FOCAD: variants seen among roughly 807,000 people sequenced by gnomAD.
FOCAD encodes focadhesin, also known as KIAA1797.
Under a neutral mutation model 225.6 loss-of-function variants are expected in FOCAD, and 198 were observed. That is an observed-to-expected ratio of 0.88 (90% CI 0.78 to 0.99). FOCAD has a LOEUF of 0.99. Among genes scored for constraint, FOCAD ranks in the 50% least tolerant of loss-of-function variants. FOCAD has a pLI of 0.00. For missense variants in FOCAD, 2,713 were observed against 2,123.6 expected (o/e 1.28, Z -5.46); for synonymous variants, 897 against 755.0 (o/e 1.19, Z -3.08).
At chr9:20,876,063 A>G (rs1830196935) in intron 19 of FOCAD, among the ~76,000 whole-genome samples, 1 of 152,178 alleles carries the variant, frequency 6.6e-6, no homozygotes, top group Non-Finnish European at 1.5e-5. Context: ...AGCCAAATAT[A>G]TACTATTTAT....
rs1825458084 is a variant in FOCAD, at chr9:20,717,806, C to G, written c.70C>G (p.Leu24Val). 4.3e-6 allele frequency: 7 copies of G among 1,611,818 alleles called. No individual in the cohort carries two copies. The African/African-American group carries it at 5.3e-5, about 12-fold the overall frequency. The change falls in exon 3 of 44, where the codon CTT becomes GTT. Residue 24 changes from leucine (L) to valine (V), a missense_variant. By Grantham distance (32) the Leu-to-Val change is conservative (BLOSUM62 1). Transcript: ENST00000338382. ...SLIQSQAVGH[L>V]IAAVLKENGF... ...ATTTCTTTTTAAGGCTGTGGGTCAT[C>G]TTATTGCTGCAGTCCTAAAGGAAAA...
At chr9:20,765,634 C>G (rs1166072897) in intron 7 of FOCAD, among the ~76,000 whole-genome samples, 2 of 152,032 alleles carry the variant, frequency 1.3e-5, no homozygotes. Flanking sequence ...TCTTACAATT[C>G]AAAGTAGAAA....
intron 8 of FOCAD, among the ~76,000 whole-genome samples, chr9:20,776,240 A>G (rs969012668): frequency 6.6e-6 from 1 of 152,208 alleles, no homozygotes; most frequent in African/African-American, 2.4e-5. Context: ...GCTTTGGCCT[A>G]TGGGGCTTTA....
chr9:20,697,953 A>G (rs1163841408), intron 1 of FOCAD, among the ~76,000 whole-genome samples: 3 of 152,238 alleles, frequency 2.0e-5, no homozygotes, highest in Admixed American at 6.5e-5. Context: ...TATAGCTTCT[A>G]ATAACTCAAA....
At chr9:20,766,143 C>T (rs1210879703) in intron 7 of FOCAD, among the ~76,000 whole-genome samples, 1 of 152,058 alleles carries the variant, frequency 6.6e-6, no homozygotes, top group Non-Finnish European at 1.5e-5. Context: ...TGCTCCTTGG[C>T]AAAGGTTTGT....
chr9:20,942,901 C>T (rs1448307854), intron 28 of FOCAD, among the ~76,000 whole-genome samples: 1 of 152,104 alleles, frequency 6.6e-6, no homozygotes, highest in Non-Finnish European at 1.5e-5. Flanking sequence ...CTCTGCTGGG[C>T]GAGAGATGAT....
chr9:20,658,861 C>G (rs370922184), intron 2 of FOCAD: 7 of 152,492 alleles, frequency 4.6e-5, no homozygotes, highest in African/African-American at 1.7e-4. Context: ...TGTTTTCCCC[C>G]AAATTCCTAT....
rs748966079 is a variant in FOCAD, at chr9:20,923,717, C to T, written c.2910C>T (p.Val970=). 8.8e-5 allele frequency: 142 copies of T among 1,613,898 alleles called. No homozygotes were observed. The highest frequency in any genetic ancestry group is 2.3e-4 in the Admixed American group (14 of 59,994). The change falls in exon 25 of 44, where the codon GTC becomes GTT. Residue 970 remains valine (V), a synonymous_variant. Transcript: ENST00000338382. The part of the protein sequence containing the change: ...ALLALSSLAV[V]VSRHEASLSS... Reference sequence around the variant, plus strand: ...TAGCTCTAAGCAGCCTTGCTGTCGTCGTATCTAGACATGAAGCCAGCCTCT... The same window carrying T: ...TAGCTCTAAGCAGCCTTGCTGTCGTTGTATCTAGACATGAAGCCAGCCTCT...
chr9:20,882,911 A>G lies in FOCAD; in HGVS notation c.2503+855A>G, dbSNP rs570773301. ...GAGTCAAAGACTCATTAGACTGCCA[A>G]TTAGTGGGGGGTGTTGTGGGGAGAT... On this transcript the variant is annotated intron_variant, in intron 20 of 43. Transcript: ENST00000338382. Among the ~76,000 whole-genome samples, 13 of 152,270 alleles carry G rather than the reference A, an allele frequency of 8.5e-5. No individual in the cohort carries two copies. In the East Asian group the frequency reaches 1.2e-3, roughly 14 times the overall value.
intron 11 of FOCAD, among the ~76,000 whole-genome samples, chr9:20,796,691 G>T (rs1387113851): frequency 1.3e-5 from 2 of 152,166 alleles, no homozygotes; most frequent in Non-Finnish European, 2.9e-5. Context: ...ATTTATTTGA[G>T]TTCTTTGTAG....
chr9:20,825,177 G>A (rs1824752845), intron 15 of FOCAD, among the ~76,000 whole-genome samples: 1 of 150,990 alleles, frequency 6.6e-6, no homozygotes, highest in Admixed American at 6.6e-5. Context: ...GTGTGTGTGT[G>A]TGTGTGTTCA....
At chr9:20,927,976 G>A (rs1272290083) in intron 26 of FOCAD, 1 of 151,294 alleles carries the variant, frequency 6.6e-6, no homozygotes, top group Non-Finnish European at 1.5e-5. Flanking sequence ...CTTACCAGAT[G>A]ATGTAGAATT....
chr9:20,933,941 C>A (rs1023526936), intron 28 of FOCAD, among the ~76,000 whole-genome samples: 2 of 152,176 alleles, frequency 1.3e-5, no homozygotes, highest in South Asian at 4.1e-4. Flanking sequence ...TTTTGATTTG[C>A]ATTTCTCTGA....
chr9:20,815,123 G>GTGTGTTTT, intron 11 of FOCAD, among the ~76,000 whole-genome samples: 1 of 85,396 alleles, frequency 1.2e-5, no homozygotes, highest in Admixed American at 1.4e-4. Flanking sequence ...ACTTCTCTTT[G>GTGTGTTTT]TTTTTTTTTT....
intron 3 of FOCAD, 51 bp from the exon 4 acceptor site, chr9:20,720,329 G>A: frequency 6.3e-7 from 1 of 1,578,306 alleles, no homozygotes; most frequent in Non-Finnish European, 8.7e-7. Context: ...GTGTGTGTGT[G>A]TGTGTTTGCT....
At chr9:20,981,258 T>C (rs913019867) in intron 37 of FOCAD, among the ~76,000 whole-genome samples, 168 bp from the exon 38 acceptor site, 2 of 152,150 alleles carry the variant, frequency 1.3e-5, no homozygotes, top group Non-Finnish European at 2.9e-5. Context: ...ATTACATGCA[T>C]TGGTGGCCCA....
chr9:20,774,222 T>C (rs559035852), intron 8 of FOCAD, among the ~76,000 whole-genome samples: 1 of 152,284 alleles, frequency 6.6e-6, no homozygotes, highest in African/African-American at 2.4e-5. Flanking sequence ...CTGCTTTATG[T>C]GTTTCTCTGT....
chr9:20,751,350 C>G (rs1056403262), intron 5 of FOCAD, among the ~76,000 whole-genome samples: 1 of 125,188 alleles, frequency 8.0e-6, no homozygotes, highest in Non-Finnish European at 1.7e-5. Context: ...GTGATGTTCC[C>G]CTTCCTGTGT....
intron 1 of FOCAD, among the ~76,000 whole-genome samples, chr9:20,707,925 G>C (rs1824525356): frequency 6.6e-6 from 1 of 152,206 alleles, no homozygotes; most frequent in Non-Finnish European, 1.5e-5. Flanking sequence ...CAATCGAGCT[G>C]CCTGATCTTA....
Sources: gnomAD v4.1 joint callset for allele counts (sites outside exome capture counted in the v4.1 genomes callset) on GRCh38, gnomAD v4.1.1 for gene constraint, MANE v1.5 for transcripts, NCBI Gene and HGNC (gene_info 2026-07-23, HGNC 2026-07-21) for gene names.